TBC1D32: variants seen among roughly 807,000 people sequenced by gnomAD.
The protein encoded by TBC1D32 is TBC1 domain family member 32.
Under a neutral mutation model 170.3 loss-of-function variants are expected in TBC1D32, and 151 were observed. The observed-to-expected ratio is 0.89, with a 90% CI of 0.78 to 1.01. TBC1D32 has a LOEUF of 1.01. Among genes scored for constraint, TBC1D32 ranks in the 50% least tolerant of loss-of-function variants. TBC1D32 has a pLI of 0.00. For synonymous variants in TBC1D32, 498 were observed against 488.0 expected, an observed-to-expected ratio of 1.02 and a Z score of -0.27; for missense variants, 1,464 against 1,457.1, an observed-to-expected ratio of 1.00 and a Z score of -0.08.
At position 121,281,642 on chromosome 6, in the gene TBC1D32, G is replaced by A. The variant is rs1254487522; in HGVS notation, c.1510C>T (p.Leu504Phe). 1 of 1,604,050 alleles carries A rather than the reference G, an allele frequency of 6.2e-7. No individual in the cohort carries two copies. The highest frequency in any genetic ancestry group is 8.5e-7 in the Non-Finnish European group (1 of 1,174,322). ...ASMVTEVLWI[L>F]SDQKECAVEC... Reference sequence around the variant, plus strand: ...ACTGCACATTCTTTTTGATCACTGAGTATCCACAGAACTTCAGTCACCATA... The same window carrying A: ...ACTGCACATTCTTTTTGATCACTGAATATCCACAGAACTTCAGTCACCATA... Residue 504 changes from leucine (L) to phenylalanine (F), a missense_variant, in exon 14 of 32, where the codon CTC (leucine) becomes TTC (phenylalanine). Physicochemically the swap from Leu to Phe is conservative, Grantham distance 22 (BLOSUM62 0). Coordinates refer to ENST00000398212, the MANE Select transcript of TBC1D32 (RefSeq NM_152730.6).
intron 22 of TBC1D32, chr6:121,192,400 G>A (rs1035363627): frequency 6.6e-6 from 1 of 152,068 alleles, no homozygotes; most frequent in Non-Finnish European, 1.5e-5. Flanking sequence ...GAGAACCAAG[G>A]AACATAATGA....
intron 26 of TBC1D32, among the ~76,000 whole-genome samples, chr6:121,120,334 C>T (rs1467067885): frequency 6.6e-6 from 1 of 152,032 alleles, no homozygotes; most frequent in Non-Finnish European, 1.5e-5. Flanking sequence ...GTAACGCATG[C>T]ACACTGAGCA....
intron 26 of TBC1D32, among the ~76,000 whole-genome samples, chr6:121,119,124 C>A (rs1478402629): frequency 1.3e-5 from 2 of 152,102 alleles, no homozygotes; most frequent in Non-Finnish European, 2.9e-5. Flanking sequence ...CTACTGGACA[C>A]CTGTGGCCCT....
intron 24 of TBC1D32, among the ~76,000 whole-genome samples, chr6:121,159,641 A>G (rs1325250122): frequency 6.6e-6 from 1 of 152,112 alleles, no homozygotes; most frequent in Non-Finnish European, 1.5e-5. Flanking sequence ...GGTGTAGCCT[A>G]TTGCTCCTAG....
chr6:121,208,729 G>GAAAA (rs57771111), intron 21 of TBC1D32, among the ~76,000 whole-genome samples: 3,334 of 86,868 alleles, frequency 0.038, 238 homozygotes, highest in East Asian at 0.15. Context: ...GAAACACCTG[G>GAAAA]AAAAAAAAAA....
intron 30 of TBC1D32, among the ~76,000 whole-genome samples, chr6:121,100,858 A>G (rs1230433577): frequency 6.6e-6 from 1 of 152,070 alleles, no homozygotes; most frequent in Non-Finnish European, 1.5e-5. Flanking sequence ...ATAAAGAAGG[A>G]AAGAGAGAAG....
rs112289780 is a variant in TBC1D32 at position 121,220,797 on chromosome 6, C to A, written c.2481+2439G>T. On this transcript the variant is annotated intron_variant, in intron 21 of 31. Coordinates refer to ENST00000398212, the MANE Select transcript of TBC1D32 (RefSeq NM_152730.6). ...CTGGGATTACAGACATGCGCCACCACGTCCAGCTAATTTTTGTATTTTTAC... is the reference window on the plus strand; with the variant it reads ...CTGGGATTACAGACATGCGCCACCAAGTCCAGCTAATTTTTGTATTTTTAC... Among the ~76,000 whole-genome samples the A allele has an allele frequency of 2.0e-5, 3 of 151,946 alleles. No homozygotes were observed. In the South Asian group the frequency reaches 6.2e-4, roughly 32 times the overall value.
intron 15 of TBC1D32, among the ~76,000 whole-genome samples, chr6:121,260,312 T>C (rs1799590503): frequency 6.6e-6 from 1 of 152,124 alleles, no homozygotes. Context: ...AAAGCTTTAT[T>C]ATCTTTATGT....
chr6:121,126,648 T>C (rs1052934078), intron 25 of TBC1D32, among the ~76,000 whole-genome samples, 187 bp from the exon 26 acceptor site: 1 of 152,122 alleles, frequency 6.6e-6, no homozygotes, highest in Non-Finnish European at 1.5e-5. Flanking sequence ...TAAACTTTAA[T>C]AGCTTAGCTA....
intron 15 of TBC1D32, among the ~76,000 whole-genome samples, chr6:121,270,375 TAAAAG>T (rs1241314270): frequency 2.0e-5 from 3 of 151,072 alleles, no homozygotes; most frequent in African/African-American, 7.3e-5. Context: ...ATAGCCAGAC[TAAAAG>T]AAAAGAGAGA....
chr6:121,315,907 G>T (rs1315726394), intron 3 of TBC1D32, among the ~76,000 whole-genome samples: 1 of 152,010 alleles, frequency 6.6e-6, no homozygotes, highest in Non-Finnish European at 1.5e-5. Flanking sequence ...AAAGTCCAGG[G>T]ATACCATGCC....
intron 9 of TBC1D32, 63 bp downstream of exon 9, chr6:121,303,554 A>G (rs1368962795): frequency 8.0e-7 from 1 of 1,252,448 alleles, no homozygotes; most frequent in African/African-American, 1.5e-5. Context: ...TCAAACATTA[A>G]CTATTTATTA....
chr6:121,105,768 C>T (rs1388047560), intron 30 of TBC1D32, among the ~76,000 whole-genome samples: 1 of 151,934 alleles, frequency 6.6e-6, no homozygotes, highest in African/African-American at 2.4e-5. Context: ...CAAGTATTAC[C>T]ATCTCCATTA....
chr6:121,249,950 C>T (rs1798082169), intron 17 of TBC1D32, among the ~76,000 whole-genome samples: 1 of 151,680 alleles, frequency 6.6e-6, no homozygotes, highest in African/African-American at 2.4e-5. Context: ...ATAAAAATAC[C>T]ACCATCATTC....
At chr6:121,239,979 C>T (rs1210205701) in intron 19 of TBC1D32, among the ~76,000 whole-genome samples, 1 of 152,106 alleles carries the variant, frequency 6.6e-6, no homozygotes, top group African/African-American at 2.4e-5. Flanking sequence ...AGTTTATTAG[C>T]TGTTCATCCT....
intron 12 of TBC1D32, among the ~76,000 whole-genome samples, chr6:121,285,961 G>A (rs745561450): frequency 1.3e-5 from 2 of 152,082 alleles, no homozygotes; most frequent in Non-Finnish European, 2.9e-5. Flanking sequence ...CAAACAGAAA[G>A]AACATCCACA....
chr6:121,319,461 CCA>C (rs1809391028), intron 2 of TBC1D32, among the ~76,000 whole-genome samples: 1 of 152,154 alleles, frequency 6.6e-6, no homozygotes, highest in Admixed American at 6.6e-5. Flanking sequence ...TTCTCTCCTT[CCA>C]CAGTGATTGA....
rs1791265690 is a variant in TBC1D32, at chr6:121,199,576, A to G, written c.2570+5499T>C. Among the ~76,000 whole-genome samples the G allele has an allele frequency of 1.3e-5, 2 of 151,366 alleles. 1 individual carries two copies. The highest frequency in any genetic ancestry group is 4.9e-5 in the African/African-American group (2 of 40,746). ...AATTAGTTACTGTCTTCAATCAGTA[A>G]TCGATCATTTTATTATTTTTATTAT... On this transcript the variant is annotated intron_variant, in intron 22 of 31. Transcript: ENST00000398212.
intron 22 of TBC1D32, among the ~76,000 whole-genome samples, chr6:121,169,097 C>T (rs986047403): frequency 6.6e-6 from 1 of 152,050 alleles, no homozygotes; most frequent in Admixed American, 6.6e-5. Flanking sequence ...CCAAAAAAGA[C>T]CTCAAATAGC....
Sources: gnomAD v4.1 joint callset for allele counts (sites outside exome capture counted in the v4.1 genomes callset) on GRCh38, gnomAD v4.1.1 for gene constraint, MANE v1.5 for transcripts, NCBI Gene and HGNC (gene_info 2026-07-23, HGNC 2026-07-21) for gene names.